SEMA3E: variants seen among roughly 807,000 people sequenced by gnomAD.
SEMA3E encodes the protein semaphorin-3E.
A neutral mutation model predicts 93.6 loss-of-function variants in SEMA3E; 49 were observed. That is an observed-to-expected ratio of 0.52 (90% CI 0.42 to 0.66). The LOEUF (loss-of-function observed/expected upper bound fraction) is 0.66. Ranked by LOEUF, SEMA3E falls within the 30% of genes least tolerant of loss-of-function variation. The pLI is 0.00. For synonymous variants in SEMA3E, 363 were observed against 330.7 expected (o/e 1.10, Z -1.06); for missense variants, 906 against 964.8 (o/e 0.94, Z 0.81).
chr7:83,515,309 A>G (rs973572962), intron 1 of SEMA3E, among the ~76,000 whole-genome samples: 2 of 144,372 alleles, frequency 1.4e-5, no homozygotes, highest in African/African-American at 5.1e-5. Context: ...AAAAAAAAAA[A>G]GAAATGTCCT....
intron 4 of SEMA3E, among the ~76,000 whole-genome samples, chr7:83,464,816 C>T (rs537132728): frequency 8.1e-4 from 119 of 147,150 alleles, no homozygotes; most frequent in African/African-American, 2.9e-3. Context: ...GCCCCTAATC[C>T]TGCTTGAAGC....
At chr7:83,561,960 C>T (rs1435618337) in intron 1 of SEMA3E, among the ~76,000 whole-genome samples, 1 of 152,086 alleles carries the variant, frequency 6.6e-6, no homozygotes, top group East Asian at 1.9e-4. Context: ...GAAATCCCCA[C>T]TAAATTCACT....
chr7:83,510,890 A>T (rs1790803650), intron 1 of SEMA3E, among the ~76,000 whole-genome samples: 1 of 152,192 alleles, frequency 6.6e-6, no homozygotes, highest in Non-Finnish European at 1.5e-5. Flanking sequence ...AATTTGATGA[A>T]TCTAATGCTC....
At chr7:83,489,957 T>C (rs1790345960) in intron 2 of SEMA3E, among the ~76,000 whole-genome samples, 157 bp downstream of exon 2, 1 of 152,064 alleles carries the variant, frequency 6.6e-6, no homozygotes. Flanking sequence ...TAGAAATCAT[T>C]TCCTCAAAAT....
rs1460947532 is a variant in SEMA3E at position 83,364,503 on chromosome 7, G to A, written c.*3083C>T. 6.6e-6 allele frequency: 1 copy of A among 152,106 alleles called. No homozygotes were observed. Among genetic ancestry groups the A allele is most frequent in the Non-Finnish European group, 1.5e-5 (1 of 68,012 alleles). 9.4% of individuals were successfully genotyped at this position (152,106 alleles called of 1,614,324 possible). On this transcript the variant is annotated 3_prime_UTR_variant, in exon 17 of 17. Transcript: ENST00000643230. ...TTATTTTTAATCCCTGTTTCTCCAAGTTGATAGCTTTGCTCTGAAATATTC... is the reference window on the plus strand; with the variant it reads ...TTATTTTTAATCCCTGTTTCTCCAAATTGATAGCTTTGCTCTGAAATATTC...
In SEMA3E at chr7:83,392,647, A is replaced by T. The variant is rs1428803724; in HGVS notation, c.1575T>A (p.Ala525=). The change falls in exon 14 of 17, where the codon GCT becomes GCA. Residue 525 remains alanine (A), a synonymous_variant. Transcript: ENST00000643230. ...CTCGAGCCAGGCAGCAGTCAGCACA[A>T]GCACTTCCATACATGTCACAGTGAT... is the stretch of plus-strand genomic sequence containing the variant. ...RFHHCDMYGS[A]CADCCLARDP... The T allele has an allele frequency of 1.9e-6, 3 of 1,613,946 alleles. No homozygotes were observed. Among genetic ancestry groups the T allele is most frequent in the Non-Finnish European group, 2.5e-6 (3 of 1,179,910 alleles).
At chr7:83,632,412 C>T (rs986902668) in intron 1 of SEMA3E, among the ~76,000 whole-genome samples, 1 of 152,040 alleles carries the variant, frequency 6.6e-6, no homozygotes, top group East Asian at 1.9e-4. Context: ...GTGGGAGGGA[C>T]CCAGTGGGAG....
At chr7:83,579,059 T>C (rs1208005530) in intron 1 of SEMA3E, among the ~76,000 whole-genome samples, 1 of 152,122 alleles carries the variant, frequency 6.6e-6, no homozygotes, top group Non-Finnish European at 1.5e-5. Flanking sequence ...TTAAGATGTA[T>C]AGATTTCAAA....
chr7:83,549,469 T>C (rs1791716122), intron 1 of SEMA3E, among the ~76,000 whole-genome samples: 1 of 152,152 alleles, frequency 6.6e-6, no homozygotes, highest in African/African-American at 2.4e-5. Flanking sequence ...AAACATGGCT[T>C]CTTTAATGAT....
intron 1 of SEMA3E, among the ~76,000 whole-genome samples, chr7:83,635,747 C>T (rs1032788246): frequency 1.3e-5 from 2 of 151,898 alleles, no homozygotes. Flanking sequence ...CTTTCATAAA[C>T]TAAGTAGAAT....
chr7:83,551,093 G>A (rs1435203576), intron 1 of SEMA3E, among the ~76,000 whole-genome samples: 1 of 152,110 alleles, frequency 6.6e-6, no homozygotes, highest in Non-Finnish European at 1.5e-5. Flanking sequence ...ACTATAAGTT[G>A]TAATAGCCTT....
chr7:83,627,496 G>T (rs1714023464), intron 1 of SEMA3E, among the ~76,000 whole-genome samples: 1 of 152,010 alleles, frequency 6.6e-6, no homozygotes, highest in African/African-American at 2.4e-5. Context: ...TCTATTAGGT[G>T]CATATATATT....
intron 1 of SEMA3E, among the ~76,000 whole-genome samples, chr7:83,572,677 T>G (rs2115874502): frequency 6.6e-6 from 1 of 151,450 alleles, no homozygotes; most frequent in Non-Finnish European, 1.5e-5. Flanking sequence ...AAAAAACAGA[T>G]ACATAGACTA....
chr7:83,463,399 A>G (rs567320333), intron 4 of SEMA3E, among the ~76,000 whole-genome samples: 7,408 of 151,924 alleles, frequency 0.049, 187 homozygotes, highest in African/African-American at 0.1. Flanking sequence ...AACTTCCAAA[A>G]TCTATTTTCT....
intron 1 of SEMA3E, among the ~76,000 whole-genome samples, chr7:83,529,009 A>G (rs1048349656): frequency 2.0e-5 from 3 of 152,134 alleles, no homozygotes; most frequent in African/African-American, 4.8e-5. Context: ...TCTGAGCTTA[A>G]AAGAGTATTC....
At position 83,503,996 on chromosome 7, in the gene SEMA3E, C is replaced by A. The variant is rs1790647859; in HGVS notation, c.116-13722G>T. ...CTCTAATAAAGACCGTCAGTCTTAT[C>A]TTTATAAAAATAAGGCCTTCCCTCA... is the stretch of plus-strand genomic sequence containing the variant. On this transcript the variant is annotated intron_variant, in intron 1 of 16. Transcript: ENST00000643230. 3.9e-5 allele frequency among the ~76,000 whole-genome samples: 6 copies of A among 152,108 alleles called. 1 individual carries two copies. In the South Asian group the frequency reaches 1.2e-3, roughly 32 times the overall value.
At chr7:83,415,730 A>ATT (rs543676453) in intron 5 of SEMA3E, among the ~76,000 whole-genome samples, 1 of 150,802 alleles carries the variant, frequency 6.6e-6, no homozygotes, top group Non-Finnish European at 1.5e-5. Context: ...TGCAAGCACC[A>ATT]TTTTTTTTTA....
At chr7:83,588,823 A>C (rs1290787143) in intron 1 of SEMA3E, among the ~76,000 whole-genome samples, 1 of 152,176 alleles carries the variant, frequency 6.6e-6, no homozygotes, top group Non-Finnish European at 1.5e-5. Context: ...GCAACTGTAT[A>C]ATCTGAAAAC....
intron 16 of SEMA3E, chr7:83,371,888 G>A (rs574923072): frequency 6.0e-6 from 1 of 165,584 alleles, no homozygotes; most frequent in Admixed American, 6.4e-5. Flanking sequence ...AGCCCCTAAA[G>A]GTATTTTGCT....
Sources: gnomAD v4.1 joint callset for allele counts (sites outside exome capture counted in the v4.1 genomes callset) on GRCh38, gnomAD v4.1.1 for gene constraint, MANE v1.5 for transcripts, NCBI Gene and HGNC (gene_info 2026-07-23, HGNC 2026-07-21) for gene names.